TMEM182: variants seen among roughly 807,000 people sequenced by gnomAD.
The protein encoded by TMEM182 is transmembrane protein 182.
Under a neutral mutation model 26.8 loss-of-function variants are expected in TMEM182, and 20 were observed. That is an observed-to-expected ratio of 0.75 (90% CI 0.53 to 1.09). The LOEUF (loss-of-function observed/expected upper bound fraction) is 1.09. TMEM182 is among the 50% of genes least tolerant of loss of function. TMEM182 has a pLI of 0.00. For missense variants in TMEM182, 277 were observed against 275.5 expected, an observed-to-expected ratio of 1.01 and a Z score of -0.04; for synonymous variants, 109 against 102.2, an observed-to-expected ratio of 1.07 and a Z score of -0.40.
upstream of TMEM182, chr2:102,761,953 C>G (rs1010940116): frequency 2.9e-6 from 1 of 347,134 alleles, no homozygotes; most frequent in African/African-American, 2.2e-5. Flanking sequence ...AAGACAGCTC[C>G]TCAATCACTA....
chr2:102,786,734 G>C (rs868404960), intron 3 of TMEM182, among the ~76,000 whole-genome samples: 1 of 152,222 alleles, frequency 6.6e-6, no homozygotes, highest in Non-Finnish European at 1.5e-5. Context: ...GGGATTACAG[G>C]GGGTATTGAG....
intron 3 of TMEM182, among the ~76,000 whole-genome samples, chr2:102,774,473 G>A (rs1680825846): frequency 1.3e-5 from 2 of 150,672 alleles, no homozygotes; most frequent in African/African-American, 4.9e-5. Context: ...CCGTGTGTTA[G>A]CCAGGATGGT....
Position 102,815,993 on chromosome 2 carries a change from C to G in TMEM182, c.*1025C>G. The G allele has an allele frequency of 1.0e-6, 1 of 984,832 alleles. No homozygotes were observed. Among genetic ancestry groups the G allele is most frequent in the African/African-American group, 1.7e-5 (1 of 57,330 alleles). The allele number at this position is 984,832 out of a possible 1,614,324, so 61.0% of individuals were successfully genotyped here. A position where few individuals can be genotyped will look rare whatever the true frequency, so the allele number is the denominator to read the frequency against. On this transcript the variant is annotated 3_prime_UTR_variant, in exon 5 of 5. Coordinates refer to ENST00000412401, the MANE Select transcript of TMEM182 (RefSeq NM_144632.5). ...TCTGATCATTTGATTCCTTTAATTA[C>G]TGTCCCTCAATTTCTTCATCTTTAC...
intron 1 of TMEM182, among the ~76,000 whole-genome samples, chr2:102,752,335 T>C (rs148564181): frequency 2.3e-3 from 348 of 152,354 alleles, no homozygotes; most frequent in African/African-American, 8.0e-3. Context: ...TTGACATTTT[T>C]GTTATTTAGT....
chr2:102,784,006 A>G (rs1436021623), intron 3 of TMEM182, among the ~76,000 whole-genome samples: 4 of 151,978 alleles, frequency 2.6e-5, no homozygotes, highest in African/African-American at 7.3e-5. Flanking sequence ...TCACATTCCA[A>G]ACTACGCCGG....
upstream of TMEM182, chr2:102,757,650 G>A (rs749306479): frequency 3.9e-5 from 6 of 152,180 alleles, no homozygotes; most frequent in African/African-American, 7.2e-5. Flanking sequence ...CTACAGTATT[G>A]ATCCTGAGAC....
upstream of TMEM182, among the ~76,000 whole-genome samples, chr2:102,761,001 A>T (rs560325338): frequency 2.0e-5 from 3 of 152,256 alleles, no homozygotes; most frequent in South Asian, 6.2e-4. Flanking sequence ...CATTGTAAGG[A>T]TCTATCCCAT....
rs146453328 is a variant in TMEM182, at chr2:102,782,102, T to C, written c.332-15761T>C. 1.3e-3 allele frequency among the ~76,000 whole-genome samples: 205 copies of C among 152,174 alleles called. 4 individuals are homozygous for C. The East Asian group carries it at 0.032, about 23-fold the overall frequency. The stretch of plus-strand genomic sequence containing the variant: ...AGGTGAATCACCTGATGTCGGGAGT[T>C]TGAGACCAGCGTGGCCAACGTGGCG... On this transcript the variant is annotated intron_variant, in intron 3 of 4. Transcript: ENST00000412401.
intron 3 of TMEM182, among the ~76,000 whole-genome samples, chr2:102,789,117 T>A (rs1373142688): frequency 2.0e-5 from 3 of 152,142 alleles, no homozygotes; most frequent in Non-Finnish European, 4.4e-5. Context: ...TGGGGGGTAG[T>A]GGCGTGTTTT....
At chr2:102,808,948 T>G (rs1682447619) in intron 4 of TMEM182, among the ~76,000 whole-genome samples, 1 of 152,226 alleles carries the variant, frequency 6.6e-6, no homozygotes, top group East Asian at 1.9e-4. Flanking sequence ...CTTTGAGTGA[T>G]GCATACATTC....
chr2:102,762,681 G>A lies in TMEM182; in HGVS notation c.227G>A (p.Trp76Ter). ...EENDSNIWKF[W>*]YTNQPPSKNC... ...AATGACTCCAATATTTGGAAGTTCT[G>A]GTACAGTAAGTACAATTTAGCTTTA... Residue 76 changes from tryptophan to a stop codon, truncating the protein, a stop_gained, in exon 2 of 5, where the codon TGG (tryptophan) becomes TAG (stop). Coordinates refer to ENST00000412401, the MANE Select transcript of TMEM182 (RefSeq NM_144632.5). LOFTEE classifies it high-confidence loss of function. 6.2e-7 allele frequency: 1 copy of A among 1,612,294 alleles called. No homozygotes were observed. The highest frequency in any genetic ancestry group is 8.5e-7 in the Non-Finnish European group (1 of 1,178,770).
chr2:102,772,227 A>G (rs574882475), intron 3 of TMEM182, among the ~76,000 whole-genome samples: 64 of 152,320 alleles, frequency 4.2e-4, no homozygotes, highest in African/African-American at 1.3e-3. Context: ...GAGAGCATCA[A>G]CTAGAACCAG....
intron 3 of TMEM182, among the ~76,000 whole-genome samples, chr2:102,764,651 C>T (rs1680356663): frequency 6.6e-6 from 1 of 151,896 alleles, no homozygotes; most frequent in Non-Finnish European, 1.5e-5. Context: ...TACTAGCTGC[C>T]TATAAAAGTA....
At chr2:102,770,811 C>G (rs1387906825) in intron 3 of TMEM182, among the ~76,000 whole-genome samples, 2 of 152,206 alleles carry the variant, frequency 1.3e-5, no homozygotes, top group African/African-American at 4.8e-5. Context: ...CACATCCACA[C>G]ACAACAACTT....
At chr2:102,795,060 T>G (rs2104722691) in intron 3 of TMEM182, among the ~76,000 whole-genome samples, 1 of 152,332 alleles carries the variant, frequency 6.6e-6, no homozygotes, top group South Asian at 2.1e-4. Flanking sequence ...TACTCTGTCC[T>G]CTCTCATCCC....
intron 3 of TMEM182, among the ~76,000 whole-genome samples, chr2:102,786,129 A>T (rs1681378367): frequency 6.6e-6 from 1 of 151,352 alleles, no homozygotes; most frequent in Non-Finnish European, 1.5e-5. Flanking sequence ...GGATTTACAG[A>T]AGTCCCTGGT....
Position 102,816,713 on chromosome 2 carries a change from A to C in TMEM182, c.*1745A>C, listed in dbSNP as rs1682768140. ...AAAATAATTATGAGGTCTGTTGTGC[A>C]TGTTGACTGTGATATTAAGTTATGG... On this transcript the variant is annotated 3_prime_UTR_variant, in exon 5 of 5. Coordinates refer to ENST00000412401, the MANE Select transcript of TMEM182 (RefSeq NM_144632.5). 1.9e-5 allele frequency: 19 copies of C among 985,740 alleles called. No homozygotes were observed. Among genetic ancestry groups the C allele is most frequent in the Non-Finnish European group, 2.3e-5 (19 of 829,906 alleles). 61.1% of individuals were successfully genotyped at this position (985,740 alleles called of 1,614,324 possible). A position where few individuals can be genotyped will look rare whatever the true frequency, so the allele number is the denominator to read the frequency against.
chr2:102,762,206 A>G lies in TMEM182; in HGVS notation c.-12A>G. 6.2e-7 allele frequency: 1 copy of G among 1,608,350 alleles called. No individual in the cohort carries two copies. Among genetic ancestry groups the G allele is most frequent in the Non-Finnish European group, 8.5e-7 (1 of 1,176,158 alleles). ...TTCATATTTTATTTAAAAGGAAACC[A>G]GTGAATTGAAAATGAGACTAAATAT... On this transcript the variant is annotated 5_prime_UTR_variant, in exon 1 of 5. Coordinates refer to ENST00000412401, the MANE Select transcript of TMEM182 (RefSeq NM_144632.5).
intron 3 of TMEM182, among the ~76,000 whole-genome samples, chr2:102,767,578 T>C (rs1680504482): frequency 6.6e-6 from 1 of 152,210 alleles, no homozygotes; most frequent in Non-Finnish European, 1.5e-5. Context: ...ATGACCCCTC[T>C]ATCAGAGTGC....
Sources: gnomAD v4.1 joint callset for allele counts (sites outside exome capture counted in the v4.1 genomes callset) on GRCh38, gnomAD v4.1.1 for gene constraint, MANE v1.5 for transcripts, NCBI Gene and HGNC (gene_info 2026-07-23, HGNC 2026-07-21) for gene names.